COL13A1: variants seen among roughly 807,000 people sequenced by gnomAD.
The protein encoded by COL13A1 is collagen type XIII alpha 1 chain, also known as collagen alpha-1(XIII) chain.
COL13A1 carries 89 observed loss-of-function variants against 130.9 expected under a neutral mutation model. That is an observed-to-expected ratio of 0.68 (90% CI 0.57 to 0.81). COL13A1 has a LOEUF of 0.81. Among genes scored for constraint, COL13A1 ranks in the 30% least tolerant of loss-of-function variants. The pLI is 0.00. For missense variants in COL13A1, 879 were observed against 934.6 expected (o/e 0.94, Z 0.78); for synonymous variants, 402 against 341.6 (o/e 1.18, Z -1.95).
chr10:69,876,405 G>A (rs569327440), intron 5 of COL13A1, among the ~76,000 whole-genome samples: 15 of 152,290 alleles, frequency 9.8e-5, no homozygotes, highest in Admixed American at 9.1e-4. Context: ...TGAAGCCCCA[G>A]AGGCCTGGGA....
At position 69,904,930 on chromosome 10, in the gene COL13A1, CA is replaced by C; in HGVS notation, c.859-2del. 6.6e-7 allele frequency: 1 copy of C among 1,525,014 alleles called. No individual in the cohort carries two copies. The highest frequency in any genetic ancestry group is 8.8e-7 in the Non-Finnish European group (1 of 1,130,130). The allele number at this position is 1,525,014 out of a possible 1,614,324, so 94.5% of individuals were successfully genotyped here. Reference sequence around the variant, plus strand: ...CTTTTTTTTTTTTTTTTTGCTTCCACAGGGCTTACCTGGGCCTCCTGGACCA... The same window carrying C: ...CTTTTTTTTTTTTTTTTTGCTTCCACGGGCTTACCTGGGCCTCCTGGACCA... On this transcript the variant is annotated splice_acceptor_variant, in intron 15 of 40. Coordinates refer to ENST00000645393, the MANE Select transcript of COL13A1 (RefSeq NM_001368882.1). LOFTEE classifies it high-confidence loss of function.
chr10:69,825,703 G>A (rs1397565784), intron 2 of COL13A1, among the ~76,000 whole-genome samples: 4 of 152,226 alleles, frequency 2.6e-5, no homozygotes, highest in Non-Finnish European at 4.4e-5. Flanking sequence ...GGAGTCCTGC[G>A]GTGGGTGTGT....
chr10:69,812,333 T>C (rs1461518712), intron 1 of COL13A1, among the ~76,000 whole-genome samples: 3 of 152,224 alleles, frequency 2.0e-5, no homozygotes, highest in Non-Finnish European at 2.9e-5. Flanking sequence ...TTACTGCCTA[T>C]GTGACCTTGG....
At position 69,889,433 on chromosome 10, in the gene COL13A1, G is replaced by A; in HGVS notation, c.596G>A (p.Gly199Asp). The change falls in exon 10 of 41, where the codon GGC (glycine) becomes GAC (aspartate). Residue 199 changes from glycine (G) to aspartate (D), a missense_variant. Gly to Asp is a moderately conservative substitution (Grantham distance 94). Transcript: ENST00000645393. ...TTCCAGGGCCACCCAGGACCAAAGG[G>A]CGACATGGTAAGAGCCCAGCTTTCC... Reference protein sequence around the residue: ...DGKPGHPGPKGDMGLTGPPGQ... With the variant: ...DGKPGHPGPKDDMGLTGPPGQ... 6.2e-7 allele frequency: 1 copy of A among 1,612,006 alleles called. No individual in the cohort carries two copies. Among genetic ancestry groups the A allele is most frequent in the Non-Finnish European group, 8.5e-7 (1 of 1,179,242 alleles).
At chr10:69,870,155 T>C (rs551176112) in intron 3 of COL13A1, among the ~76,000 whole-genome samples, 1 of 152,014 alleles carries the variant, frequency 6.6e-6, no homozygotes, top group East Asian at 1.9e-4. Flanking sequence ...GTAAGGTATA[T>C]GTGTGTATGT....
Position 69,945,659 on chromosome 10 carries a change from C to A in COL13A1, c.1969-12C>A, listed in dbSNP as rs1377285501. ...TCTGGCAGGATTCATGCATTTCTTTCTCCCATTTCAGGGCAGCAAAGGAGA... is the reference window on the plus strand; with the variant it reads ...TCTGGCAGGATTCATGCATTTCTTTATCCCATTTCAGGGCAGCAAAGGAGA... On this transcript the variant is annotated splice_polypyrimidine_tract_variant and intron_variant, in intron 36 of 40. Coordinates refer to ENST00000645393, the MANE Select transcript of COL13A1 (RefSeq NM_001368882.1). 6.2e-6 allele frequency: 10 copies of A among 1,611,834 alleles called. No homozygotes were observed. Among genetic ancestry groups the A allele is most frequent in the Non-Finnish European group, 7.6e-6 (9 of 1,179,048 alleles).
intron 7 of COL13A1, among the ~76,000 whole-genome samples, chr10:69,883,333 C>T (rs571573176): frequency 2.0e-5 from 3 of 152,320 alleles, no homozygotes; most frequent in Non-Finnish European, 2.9e-5. Context: ...TGCCCATTCC[C>T]TCTCTGAGCT....
chr10:69,826,599 C>G (rs1279939515), intron 2 of COL13A1, among the ~76,000 whole-genome samples: 3 of 152,258 alleles, frequency 2.0e-5, no homozygotes, highest in South Asian at 4.1e-4. Context: ...AGCTGGGGCT[C>G]TGGGAAAACT....
rs530348699 is a variant in COL13A1 at position 69,826,269 on chromosome 10, G to A, written c.364+3831G>A. Among the ~76,000 whole-genome samples, 29 of 152,296 alleles carry A rather than the reference G, an allele frequency of 1.9e-4. 1 individual carries two copies. In the South Asian group the frequency reaches 6.0e-3, roughly 32 times the overall value. On this transcript the variant is annotated intron_variant, in intron 2 of 40. Coordinates refer to ENST00000645393, the MANE Select transcript of COL13A1 (RefSeq NM_001368882.1). ...CCAGGGTGGGGCAGGCAGTGTGAAG[G>A]ATGACACGTTTTTCACCCAGAGGGA...
rs570021424 is a variant in COL13A1, at chr10:69,885,882, G to T, written c.514-1574G>T. Among the ~76,000 whole-genome samples the T allele has an allele frequency of 2.0e-5, 3 of 152,170 alleles. No individual in the cohort carries two copies. In the South Asian group the frequency reaches 6.2e-4, roughly 32 times the overall value. On this transcript the variant is annotated intron_variant, in intron 7 of 40. Transcript: ENST00000645393. ...GGATCTCCTCCCTCGTGCCCTTTTG[G>T]TTGGCTGCCACAAGCCCATCCTAAG...
At chr10:69,924,297 C>A (rs573401719) in intron 24 of COL13A1, among the ~76,000 whole-genome samples, 69 of 152,192 alleles carry the variant, frequency 4.5e-4, no homozygotes, top group Non-Finnish European at 8.5e-4. Context: ...TTTATTTTTA[C>A]TTTCTATCTT....
At chr10:69,939,085 T>G (rs1360923508) in intron 34 of COL13A1, among the ~76,000 whole-genome samples, 3 of 152,234 alleles carry the variant, frequency 2.0e-5, no homozygotes, top group Non-Finnish European at 2.9e-5. Context: ...TTTCTCACTT[T>G]TGATAGAGGC....
intron 13 of COL13A1, among the ~76,000 whole-genome samples, chr10:69,896,621 G>T (rs2061671298): frequency 6.6e-6 from 1 of 152,232 alleles, no homozygotes; most frequent in South Asian, 2.1e-4. Context: ...TGTCAGGAGG[G>T]CAATGCTAGC....
intron 1 of COL13A1, 66 bp downstream of exon 1, chr10:69,802,783 G>A: frequency 1.3e-6 from 2 of 1,575,658 alleles, no homozygotes; most frequent in Non-Finnish European, 1.7e-6. Context: ...CCTCCAGACT[G>A]TTCAGCCGGT....
intron 2 of COL13A1, among the ~76,000 whole-genome samples, chr10:69,859,244 G>T (rs2395284): frequency 0.21 from 32,071 of 150,748 alleles, 1,190 homozygotes; most frequent in East Asian, 0.44. Flanking sequence ...GTAATTGCGG[G>T]TTTTGCCATT....
At chr10:69,885,181 A>G (rs1433380494) in intron 7 of COL13A1, among the ~76,000 whole-genome samples, 1 of 152,116 alleles carries the variant, frequency 6.6e-6, no homozygotes, top group Non-Finnish European at 1.5e-5. Flanking sequence ...CCCAAAAGCC[A>G]TAGGAGAAGA....
chr10:69,957,588 A>G (rs1420693998), intron 40 of COL13A1, among the ~76,000 whole-genome samples: 2 of 152,164 alleles, frequency 1.3e-5, no homozygotes, highest in Non-Finnish European at 2.9e-5. Context: ...ACCAACAATG[A>G]GTTTTCATTG....
At chr10:69,922,677 C>G (rs1363869225) in intron 22 of COL13A1, 31 bp from the exon 23 acceptor site, 2 of 1,558,426 alleles carry the variant, frequency 1.3e-6, no homozygotes, top group Admixed American at 1.8e-5. Context: ...TCCTCCACAC[C>G]AGGGATGCTA....
At chr10:69,921,979 A>ACAGG in intron 22 of COL13A1, 44 bp downstream of exon 22, 1 of 1,566,892 alleles carries the variant, frequency 6.4e-7, no homozygotes. Flanking sequence ...TTCGTCACCC[A>ACAGG]CATCCCATAC....
Sources: gnomAD v4.1 joint callset for allele counts (sites outside exome capture counted in the v4.1 genomes callset) on GRCh38, gnomAD v4.1.1 for gene constraint, MANE v1.5 for transcripts, NCBI Gene and HGNC (gene_info 2026-07-23, HGNC 2026-07-21) for gene names.